GPD1: variants seen among roughly 807,000 people sequenced by gnomAD.
GPD1 encodes the protein glycerol-3-phosphate dehydrogenase [NAD(+)], cytoplasmic.
Under a neutral mutation model 34.4 loss-of-function variants are expected in GPD1, and 19 were observed. The observed-to-expected ratio is 0.55, with a 90% CI of 0.39 to 0.81. GPD1 has a LOEUF of 0.81. Ranked by LOEUF, GPD1 falls within the 30% of genes least tolerant of loss-of-function variation. The probability of loss-of-function intolerance (pLI) is 0.00; values close to 1 mark genes in which losing one functional copy is unlikely to be tolerated. For missense variants in GPD1, 429 were observed against 447.0 expected, an observed-to-expected ratio of 0.96 and a Z score of 0.36; for synonymous variants, 172 against 174.1, an observed-to-expected ratio of 0.99 and a Z score of 0.09.
rs751127919 is a variant in GPD1 at position 50,107,630 on chromosome 12, G to A, written c.676G>A (p.Ala226Thr). 34 of 1,614,034 alleles carry A rather than the reference G, an allele frequency of 2.1e-5. No individual in the cohort carries two copies. The highest frequency in any genetic ancestry group is 1.0e-4 in the Admixed American group (6 of 60,006). Reference protein sequence around the residue: ...GLGFGDNTKAAVIRLGLMEMI... With the variant: ...GLGFGDNTKATVIRLGLMEMI... Reference sequence around the variant, plus strand: ...GGGCTTTGGCGACAACACCAAGGCGGCAGTGATCCGGCTGGGACTCATGGA... The same window carrying A: ...GGGCTTTGGCGACAACACCAAGGCGACAGTGATCCGGCTGGGACTCATGGA... Residue 226 changes from alanine (A) to threonine (T), a missense_variant, in exon 6 of 8, where the codon GCA (alanine) becomes ACA (threonine). Coordinates refer to ENST00000301149, the MANE Select transcript of GPD1 (RefSeq NM_005276.4).
Position 50,106,436 on chromosome 12 carries a change from C to T in GPD1, c.499+10C>T. On this transcript the variant is annotated intron_variant, in intron 4 of 7. Coordinates refer to ENST00000301149, the MANE Select transcript of GPD1 (RefSeq NM_005276.4). ...TGTGAGACAACCATTGGTGAGAGCC[C>T]CCTGGCACCTGCATACACAGTGCAT... 13 of 1,612,760 alleles carry T rather than the reference C, an allele frequency of 8.1e-6. No individual in the cohort carries two copies. The highest frequency in any genetic ancestry group is 1.1e-5 in the Non-Finnish European group (13 of 1,179,006).
At position 50,106,868 on chromosome 12, in the gene GPD1, T is replaced by C; in HGVS notation, c.563T>C (p.Ile188Thr). 6.2e-7 allele frequency: 1 copy of C among 1,613,688 alleles called. No homozygotes were observed. Among genetic ancestry groups the C allele is most frequent in the Non-Finnish European group, 8.5e-7 (1 of 1,179,628 alleles). ...KELMQTPNFR[I>T]TVVQEVDTVE... Reference sequence around the variant, plus strand: ...CTGATGCAGACACCAAACTTCCGTATCACAGTGGTGCAAGAGGTGGACACA... The same window carrying C: ...CTGATGCAGACACCAAACTTCCGTACCACAGTGGTGCAAGAGGTGGACACA... The change falls in exon 5 of 8, where the codon ATC becomes ACC. Residue 188 changes from isoleucine to threonine, a missense_variant. Coordinates refer to ENST00000301149, the MANE Select transcript of GPD1 (RefSeq NM_005276.4).
rs2232204 is a variant in GPD1, at chr12:50,106,215, G to A, written c.361-73G>A. Reference sequence around the variant, plus strand: ...CACAGATGAGCAATGGATTTGGAAGGGACAGAATTTCTGGGCGGAAGCCCG... The same window carrying A: ...CACAGATGAGCAATGGATTTGGAAGAGACAGAATTTCTGGGCGGAAGCCCG... On this transcript the variant is annotated intron_variant, in intron 3 of 7. Coordinates refer to ENST00000301149, the MANE Select transcript of GPD1 (RefSeq NM_005276.4). The A allele has an allele frequency of 0.033, 44,425 of 1,333,802 alleles. 1,022 individuals are homozygous for A. Among genetic ancestry groups the A allele is most frequent in the Admixed American group, 0.11 (3,999 of 37,118 alleles). The allele number at this position is 1,333,802 out of a possible 1,614,324, so 82.6% of individuals were successfully genotyped here.
intron 7 of GPD1, among the ~76,000 whole-genome samples, chr12:50,108,533 G>A (rs1213525895): frequency 6.6e-6 from 1 of 152,180 alleles, no homozygotes; most frequent in East Asian, 1.9e-4. Context: ...GTAAGGAGAA[G>A]GATGGGCTTC....
intron 1 of GPD1, 75 bp downstream of exon 1, chr12:50,104,166 T>A: frequency 7.4e-7 from 1 of 1,350,360 alleles, no homozygotes; most frequent in Non-Finnish European, 1.1e-6. Context: ...GCAGAATGGG[T>A]GGGAAAGGCC....
Position 50,110,958 on chromosome 12 carries a change from T to A in GPD1, c.*1439T>A, listed in dbSNP as rs1346013683. ...CCAGCAGGGCTGTCAGCTTCCTGTG[T>A]GGCAGCACCTGGCACACTGGCTCTG... On this transcript the variant is annotated 3_prime_UTR_variant, in exon 8 of 8. Transcript: ENST00000301149. 2 of 152,768 alleles carry A rather than the reference T, an allele frequency of 1.3e-5. No homozygotes were observed. The highest frequency in any genetic ancestry group is 6.5e-5 in the Admixed American group (1 of 15,286). The allele number at this position is 152,768 out of a possible 1,614,324, so 9.5% of individuals were successfully genotyped here.
At position 50,105,544 on chromosome 12, in the gene GPD1, A is replaced by G. The variant is rs745757014; in HGVS notation, c.220-4A>G. 6.2e-7 allele frequency: 1 copy of G among 1,610,994 alleles called. No homozygotes were observed. Among genetic ancestry groups the G allele is most frequent in the Non-Finnish European group, 8.5e-7 (1 of 1,177,788 alleles). Reference sequence around the variant, plus strand: ...GGCCCGCGAGCACTTGGTCACCCCCACAGGTGGCTGTCCCAGATGTGGTCC... The same window carrying G: ...GGCCCGCGAGCACTTGGTCACCCCCGCAGGTGGCTGTCCCAGATGTGGTCC... On this transcript the variant is annotated splice_region_variant and splice_polypyrimidine_tract_variant and intron_variant, in intron 2 of 7. Transcript: ENST00000301149.
chr12:50,108,348 C>T (rs901096402), intron 7 of GPD1, among the ~76,000 whole-genome samples: 3 of 152,200 alleles, frequency 2.0e-5, no homozygotes, highest in African/African-American at 7.2e-5. Flanking sequence ...TAGTGCTCTT[C>T]ACACTACATT....
At position 50,106,461 on chromosome 12, in the gene GPD1, T is replaced by A. The variant is rs370034093; in HGVS notation, c.499+35T>A. The A allele has an allele frequency of 1.9e-6, 3 of 1,588,194 alleles. No individual in the cohort carries two copies. The African/African-American group carries it at 4.0e-5, about 21-fold the overall frequency. The stretch of plus-strand genomic sequence containing the variant: ...CCCTGGCACCTGCATACACAGTGCA[T>A]CTAGTTGCATCCCCTCCCCAAACTG... On this transcript the variant is annotated intron_variant, in intron 4 of 7. Coordinates refer to ENST00000301149, the MANE Select transcript of GPD1 (RefSeq NM_005276.4).
intron 3 of GPD1, 77 bp downstream of exon 3, chr12:50,105,765 G>T (rs956658318): frequency 3.1e-5 from 46 of 1,471,846 alleles, no homozygotes; most frequent in Non-Finnish European, 4.1e-5. Flanking sequence ...GAAGCAAGGA[G>T]AACAGAAAAT....
At chr12:50,109,166 G>T (rs1951004101) in intron 7 of GPD1, among the ~76,000 whole-genome samples, 1 of 148,904 alleles carries the variant, frequency 6.7e-6, no homozygotes, top group Non-Finnish European at 1.5e-5. Flanking sequence ...AAAGTGGGTT[G>T]CCCAGTTGGC....
At position 50,104,228 on chromosome 12, in the gene GPD1, A is replaced by G. The variant is rs1287893568; in HGVS notation, c.41+137A>G. ...CTATCTTCTATCATAGCAGCACAGG[A>G]CAGACGGTGCCCGGCCCTCTCCTGA... On this transcript the variant is annotated intron_variant, in intron 1 of 7. Coordinates refer to ENST00000301149, the MANE Select transcript of GPD1 (RefSeq NM_005276.4). 5.7e-6 allele frequency: 5 copies of G among 876,400 alleles called. No individual in the cohort carries two copies. In the African/African-American group the frequency reaches 6.6e-5, roughly 12 times the overall value. 54.3% of individuals were successfully genotyped at this position (876,400 alleles called of 1,614,324 possible).
In GPD1 at chr12:50,110,485, C is replaced by G. The variant is rs1951015095; in HGVS notation, c.*966C>G. ...CTGTGCTATCTCCCCAGAGGACATC[C>G]CTGACTCCACCCCTTTCTTCCTCCC... On this transcript the variant is annotated 3_prime_UTR_variant, in exon 8 of 8. Transcript: ENST00000301149. 1 of 152,886 alleles carries G rather than the reference C, an allele frequency of 6.5e-6. No homozygotes were observed. Among genetic ancestry groups the G allele is most frequent in the South Asian group, 2.1e-4 (1 of 4,840 alleles). 9.5% of individuals were successfully genotyped at this position (152,886 alleles called of 1,614,324 possible).
At chr12:50,104,200 C>A in intron 1 of GPD1, 109 bp downstream of exon 1, 2 of 1,020,700 alleles carry the variant, frequency 2.0e-6, no homozygotes, top group Non-Finnish European at 3.1e-6. Flanking sequence ...TCAGCCCCTG[C>A]TGCTATCTTC....
chr12:50,106,322 T>A lies in GPD1; in HGVS notation c.395T>A (p.Ile132Asn). 1 of 1,613,528 alleles carries A rather than the reference T, an allele frequency of 6.2e-7. No individual in the cohort carries two copies. Among genetic ancestry groups the A allele is most frequent in the Non-Finnish European group, 8.5e-7 (1 of 1,179,784 alleles). ...GAGGGCCCCAATGGGCTGAAGCTCA[T>A]CTCGGAAGTGATTGGGGAGCGCCTC... is the stretch of plus-strand genomic sequence containing the variant. ...VDEGPNGLKL[I>N]SEVIGERLGI... The change falls in exon 4 of 8, where the codon ATC becomes AAC. Residue 132 changes from isoleucine (I) to asparagine (N), a missense_variant. By Grantham distance (149) the Ile-to-Asn change is moderately radical (BLOSUM62 -3). Transcript: ENST00000301149.
At chr12:50,106,069 C>T (rs975208022) in intron 3 of GPD1, 88 of 613,314 alleles carry the variant, frequency 1.4e-4, no homozygotes, top group South Asian at 1.1e-4. Flanking sequence ...GGAGGGGACC[C>T]GTTGCCTTGG....
Position 50,105,281 on chromosome 12 carries a change from C to T in GPD1, c.220-267C>T, listed in dbSNP as rs116427406. ...GGCTGCTTTTGGCCTCCCGCACTGT[C>T]CCACAGCCAAGGGATAGGAGAGTGC... On this transcript the variant is annotated intron_variant, in intron 2 of 7. Transcript: ENST00000301149. 2,164 of 504,606 alleles carry T rather than the reference C, an allele frequency of 4.3e-3. 37 individuals carry two copies. Among genetic ancestry groups the T allele is most frequent in the African/African-American group, 0.038 (1,994 of 52,550 alleles). 31.3% of individuals were successfully genotyped at this position (504,606 alleles called of 1,614,324 possible). A position where few individuals can be genotyped will look rare whatever the true frequency, so the allele number is the denominator to read the frequency against.
intron 3 of GPD1, 108 bp from the exon 4 acceptor site, chr12:50,106,180 T>C (rs1345815327): frequency 6.8e-6 from 7 of 1,027,078 alleles, no homozygotes; most frequent in Non-Finnish European, 8.4e-6. Context: ...GCAGGACCTG[T>C]CGGGAGGGAC....
intron 2 of GPD1, 130 bp downstream of exon 2, chr12:50,104,881 G>C (rs1278276530): frequency 4.2e-5 from 30 of 715,128 alleles, no homozygotes; most frequent in Non-Finnish European, 7.2e-5. Context: ...AAGGTCTCAG[G>C]AGGGCTGCTC....
Sources: gnomAD v4.1 joint callset for allele counts (sites outside exome capture counted in the v4.1 genomes callset) on GRCh38, gnomAD v4.1.1 for gene constraint, MANE v1.5 for transcripts, NCBI Gene and HGNC (gene_info 2026-07-23, HGNC 2026-07-21) for gene names.